The following ELP3 variants were observed in gnomAD, a reference collection of about 807,000 sequenced individuals.
ELP3 encodes elongator acetyltransferase complex subunit 3.
Under a neutral mutation model 74.9 loss-of-function variants are expected in ELP3, and 56 were observed. That is an observed-to-expected ratio of 0.75 (90% confidence interval 0.60 to 0.93). The LOEUF is 0.93. ELP3 is among the 40% of genes least tolerant of loss of function. The probability of loss-of-function intolerance (pLI) is 0.00; values close to 1 mark genes in which losing one functional copy is unlikely to be tolerated. For synonymous variants in ELP3, 222 were observed against 239.8 expected, an observed-to-expected ratio of 0.93 and a Z score of 0.68; for missense variants, 573 against 686.5, an observed-to-expected ratio of 0.83 and a Z score of 1.85.
At chr8:28,177,632 TG>T (rs1814814095) in intron 14 of ELP3, among the ~76,000 whole-genome samples, 1 of 152,262 alleles carries the variant, frequency 6.6e-6, no homozygotes, top group South Asian at 2.1e-4. Context: ...CAAGTTTGGC[TG>T]TGAGAATGTG....
intron 10 of ELP3, among the ~76,000 whole-genome samples, chr8:28,155,571 A>C (rs990719593): frequency 4.1e-4 from 62 of 152,386 alleles, no homozygotes; most frequent in African/African-American, 1.3e-3. Context: ...ATTGTTGAAC[A>C]GATTTTGTAA....
intron 12 of ELP3, among the ~76,000 whole-genome samples, chr8:28,159,510 T>C (rs900105387): frequency 1.3e-5 from 2 of 152,180 alleles, no homozygotes; most frequent in Admixed American, 1.3e-4. Flanking sequence ...CGTGTGGCCA[T>C]GTCCATATGT....
In ELP3 at chr8:28,132,288, G is replaced by A. The variant is rs1166465206; in HGVS notation, c.790G>A (p.Val264Met). 1 of 1,614,094 alleles carries A rather than the reference G, an allele frequency of 6.2e-7. No homozygotes were observed. The highest frequency in any genetic ancestry group is 1.1e-5 in the South Asian group (1 of 91,078). ...ATTTTCTTTCCTTAGGGGCCACACT[G>A]TGAAGGCAGTGTGTGAGTCATTTCA... The part of the protein sequence containing the change: ...VARDTNRGHT[V>M]KAVCESFHLA... Residue 264 changes from valine (V) to methionine (M), a missense_variant, in exon 9 of 15, where the codon GTG becomes ATG. Val to Met is a conservative substitution (Grantham distance 21, BLOSUM62 1). Coordinates refer to ENST00000256398, the MANE Select transcript of ELP3 (RefSeq NM_018091.6).
intron 10 of ELP3, among the ~76,000 whole-genome samples, chr8:28,152,485 C>G (rs935528125): frequency 6.6e-6 from 1 of 152,032 alleles, no homozygotes. Context: ...TTTCCTTTGT[C>G]ACTTGTGCTT....
intron 14 of ELP3, 64 bp from the exon 15 acceptor site, chr8:28,189,585 C>A: frequency 4.6e-6 from 7 of 1,524,376 alleles, no homozygotes; most frequent in Non-Finnish European, 6.4e-6. Flanking sequence ...CTGAGGGAAG[C>A]ACATGCCGAC....
chr8:28,097,765 A>G (rs576418277), intron 2 of ELP3, among the ~76,000 whole-genome samples: 89 of 152,172 alleles, frequency 5.8e-4, no homozygotes, highest in Non-Finnish European at 9.8e-4. Flanking sequence ...TTTATTGGGC[A>G]CTTACTGTAT....
At chr8:28,123,326 G>A (rs796518173) in intron 7 of ELP3, among the ~76,000 whole-genome samples, 8 of 152,174 alleles carry the variant, frequency 5.3e-5, no homozygotes, top group African/African-American at 1.4e-4. Flanking sequence ...AGACAATGAG[G>A]TTTTTCTTGA....
intron 7 of ELP3, among the ~76,000 whole-genome samples, chr8:28,119,804 C>G (rs1036923813): frequency 2.0e-5 from 3 of 151,598 alleles, no homozygotes; most frequent in African/African-American, 7.3e-5. Flanking sequence ...GATTTTTTTC[C>G]CCATCACAAA....
chr8:28,170,814 C>T (rs1290791357), intron 14 of ELP3, among the ~76,000 whole-genome samples: 3 of 152,092 alleles, frequency 2.0e-5, no homozygotes, highest in South Asian at 2.1e-4. Context: ...TGTTGTACGA[C>T]CATCACCATT....
chr8:28,106,667 TATTA>T (rs760535741), intron 3 of ELP3, 42 bp from the exon 4 acceptor site: 1 of 1,536,978 alleles, frequency 6.5e-7, no homozygotes, highest in Admixed American at 1.7e-5. Context: ...TGGAGTTTTA[TATTA>T]ATTATCCTAT....
intron 9 of ELP3, among the ~76,000 whole-genome samples, chr8:28,135,386 A>G (rs1285960408): frequency 6.6e-6 from 1 of 152,154 alleles, no homozygotes; most frequent in African/African-American, 2.4e-5. Flanking sequence ...GTGAACTCTT[A>G]CGTAGAGCCA....
chr8:28,173,429 G>A (rs1814612551), intron 14 of ELP3, among the ~76,000 whole-genome samples: 1 of 151,832 alleles, frequency 6.6e-6, no homozygotes, highest in Non-Finnish European at 1.5e-5. Context: ...TCTTATTTCT[G>A]TACAGTAAGT....
rs553323667 is a variant in ELP3 at position 28,138,715 on chromosome 8, G to A, written c.1100+824G>A. On this transcript the variant is annotated intron_variant, in intron 10 of 14. Transcript: ENST00000256398. ...AAGCAATGAACACTGAAAACAAGCC[G>A]AATTAACTACTTAAGGAGAATTATG... is the stretch of plus-strand genomic sequence containing the variant. Among the ~76,000 whole-genome samples, 12 of 152,266 alleles carry A rather than the reference G, an allele frequency of 7.9e-5. No individual in the cohort carries two copies. The East Asian group carries it at 2.1e-3, about 27-fold the overall frequency.
At chr8:28,179,370 T>C (rs1814902664) in intron 14 of ELP3, among the ~76,000 whole-genome samples, 1 of 152,226 alleles carries the variant, frequency 6.6e-6, no homozygotes, top group African/African-American at 2.4e-5. Context: ...TTGTTTTCTT[T>C]ATACCTTTAG....
chr8:28,143,175 G>A (rs1813310639), intron 10 of ELP3, among the ~76,000 whole-genome samples: 1 of 152,176 alleles, frequency 6.6e-6, no homozygotes, highest in Admixed American at 6.5e-5. Context: ...ATGCAGTGCT[G>A]AGGTAGCTTA....
intron 3 of ELP3, among the ~76,000 whole-genome samples, 153 bp from the exon 4 acceptor site, chr8:28,106,560 A>G (rs1811702761): frequency 6.7e-6 from 1 of 148,820 alleles, no homozygotes; most frequent in African/African-American, 2.5e-5. Context: ...AAAAAAAAAA[A>G]AAAAAAAGAA....
chr8:28,149,969 G>A (rs1813578402), intron 10 of ELP3, among the ~76,000 whole-genome samples: 1 of 151,592 alleles, frequency 6.6e-6, no homozygotes. Flanking sequence ...TTTCTTTCCA[G>A]TGGTTGCCCT....
intron 14 of ELP3, among the ~76,000 whole-genome samples, chr8:28,183,874 C>T (rs1215835969): frequency 4.6e-5 from 7 of 152,198 alleles, no homozygotes; most frequent in African/African-American, 9.6e-5. Context: ...AGCCTGTGGG[C>T]GCCTCTCCTC....
upstream of ELP3, chr8:28,093,052 G>C (rs988984705): frequency 8.6e-7 from 1 of 1,156,152 alleles, no homozygotes. Context: ...GCAACACGGG[G>C]CGGGGCGTGG....
Sources: gnomAD v4.1 joint callset for allele counts (sites outside exome capture counted in the v4.1 genomes callset) on GRCh38, gnomAD v4.1.1 for gene constraint, MANE v1.5 for transcripts, NCBI Gene and HGNC (gene_info 2026-07-23, HGNC 2026-07-21) for gene names.